The following ELOVL2 variants were observed in gnomAD, a reference collection of about 807,000 sequenced individuals.
The protein encoded by ELOVL2 is ELOVL fatty acid elongase 2.
In ELOVL2, 38 loss-of-function variants were observed where a neutral mutation model predicts 37.7. The ratio of observed to expected loss-of-function variants is 1.01; its 90% CI spans 0.78 to 1.32. The LOEUF is 1.32. Among genes scored for constraint, ELOVL2 ranks in the 40% most tolerant of loss-of-function variants. The pLI is 0.00. For synonymous variants in ELOVL2, 115 were observed against 122.3 expected (o/e 0.94, Z 0.40); for missense variants, 352 against 363.6 (o/e 0.97, Z 0.26).
intron 5 of ELOVL2, among the ~76,000 whole-genome samples, chr6:10,993,152 G>A (rs1782196632): frequency 6.6e-6 from 1 of 152,058 alleles, no homozygotes; most frequent in South Asian, 2.1e-4. Flanking sequence ...ACAGGCATTT[G>A]TTTGCTGTTC....
At chr6:10,999,400 G>C (rs1782333464) in intron 4 of ELOVL2, among the ~76,000 whole-genome samples, 1 of 149,184 alleles carries the variant, frequency 6.7e-6, no homozygotes, top group African/African-American at 2.5e-5. Flanking sequence ...TTTTTAGATG[G>C]AGTCTTGCTG....
intron 1 of ELOVL2, among the ~76,000 whole-genome samples, chr6:11,026,006 C>T (rs957653472): frequency 2.0e-5 from 3 of 152,050 alleles, no homozygotes; most frequent in Non-Finnish European, 1.5e-5. Context: ...CTCTGGGTAG[C>T]GAAGTGGGGT....
chr6:10,990,277 A>G (rs1243894385), intron 6 of ELOVL2, 41 bp downstream of exon 6: 1 of 1,600,338 alleles, frequency 6.2e-7, no homozygotes. Context: ...TTCCCCATCC[A>G]TAAGCCACAT....
chr6:11,021,333 C>T (rs535299694), intron 1 of ELOVL2, among the ~76,000 whole-genome samples: 1 of 152,298 alleles, frequency 6.6e-6, no homozygotes, highest in South Asian at 2.1e-4. Flanking sequence ...ACCTGGCACA[C>T]ATTTGAGCTC....
chr6:11,031,582 A>ACACAT (rs1193876898), intron 1 of ELOVL2, among the ~76,000 whole-genome samples: 1 of 152,188 alleles, frequency 6.6e-6, no homozygotes, highest in African/African-American at 2.4e-5. Flanking sequence ...AGGGTCATTT[A>ACACAT]CACATTCCTA....
chr6:10,994,885 A>G, intron 5 of ELOVL2, 122 bp downstream of exon 5: 3 of 745,506 alleles, frequency 4.0e-6, no homozygotes, highest in South Asian at 2.9e-5. Flanking sequence ...TGCTGCGGCA[A>G]GGCCGGCGCT....
intron 3 of ELOVL2, among the ~76,000 whole-genome samples, chr6:11,005,120 T>C (rs924498404): frequency 1.3e-5 from 2 of 152,008 alleles, no homozygotes; most frequent in Admixed American, 6.6e-5. Flanking sequence ...GATTGTGCCA[T>C]TGCCCTCCAG....
intron 7 of ELOVL2, 76 bp downstream of exon 7, chr6:10,989,627 G>A (rs573040691): frequency 8.8e-5 from 129 of 1,469,450 alleles, no homozygotes; most frequent in Middle Eastern, 5.8e-4. Context: ...CAATAAGAGC[G>A]AAACTCTGTC....
Position 11,007,167 on chromosome 6 carries a change from A to C in ELOVL2, c.68-1608T>G, listed in dbSNP as rs529234312. Among the ~76,000 whole-genome samples the C allele has an allele frequency of 1.2e-4, 18 of 152,356 alleles. 1 individual carries two copies. In the South Asian group the frequency reaches 3.7e-3, roughly 32 times the overall value. ...TGAGCTGTAGAGGCCTAGAAAAGTG[A>C]AATGACTTGCACTAAACTGCTACGC... is the stretch of plus-strand genomic sequence containing the variant. On this transcript the variant is annotated intron_variant, in intron 2 of 7. Coordinates refer to ENST00000354666, the MANE Select transcript of ELOVL2 (RefSeq NM_017770.4).
intron 1 of ELOVL2, among the ~76,000 whole-genome samples, chr6:11,039,250 T>C (rs1435958057): frequency 6.6e-6 from 1 of 152,198 alleles, no homozygotes; most frequent in African/African-American, 2.4e-5. Context: ...TAGTAAACAA[T>C]AAAGCTAGGG....
At chr6:10,990,620 CA>C (rs1782139933) in intron 5 of ELOVL2, among the ~76,000 whole-genome samples, 178 bp from the exon 6 acceptor site, 1 of 149,208 alleles carries the variant, frequency 6.7e-6, no homozygotes, top group African/African-American at 2.6e-5. Flanking sequence ...TAGGATTCAC[CA>C]AAAACTCCAT....
intron 1 of ELOVL2, among the ~76,000 whole-genome samples, chr6:11,011,943 A>G (rs1364052299): frequency 6.6e-6 from 1 of 152,196 alleles, no homozygotes; most frequent in Non-Finnish European, 1.5e-5. Context: ...TGAGCTGAGC[A>G]TGACAGCCTC....
At position 10,990,308 on chromosome 6, in the gene ELOVL2, GA is replaced by G; in HGVS notation, c.630+9del. ...CACATGGAGAAAAGCTAAAAGAAGG[GA>G]CAACATACCAGCTGAGCCTGTGTGA... On this transcript the variant is annotated intron_variant, in intron 6 of 7. Coordinates refer to ENST00000354666, the MANE Select transcript of ELOVL2 (RefSeq NM_017770.4). 1 of 1,607,532 alleles carries G rather than the reference GA, an allele frequency of 6.2e-7. No homozygotes were observed. The highest frequency in any genetic ancestry group is 8.5e-7 in the Non-Finnish European group (1 of 1,178,246).
rs141858011 is a variant in ELOVL2 at position 11,023,114 on chromosome 6, A to G, written c.4-12305T>C. Reference sequence around the variant, plus strand: ...TCAAGATATTTGTAATGATTATTACAACTACTTCTTCCACAGGAAGTGGTG... The same window carrying G: ...TCAAGATATTTGTAATGATTATTACGACTACTTCTTCCACAGGAAGTGGTG... On this transcript the variant is annotated intron_variant, in intron 1 of 7. Transcript: ENST00000354666. Among the ~76,000 whole-genome samples the G allele has an allele frequency of 3.5e-3, 540 of 152,378 alleles. 2 individuals are homozygous for G. Among genetic ancestry groups the G allele is most frequent in the African/African-American group, 0.013 (520 of 41,584 alleles).
chr6:10,999,877 C>T (rs949168765), intron 4 of ELOVL2, among the ~76,000 whole-genome samples: 7 of 152,186 alleles, frequency 4.6e-5, no homozygotes. Context: ...TTGGTAGAGG[C>T]ATCTGCTACG....
At position 11,027,970 on chromosome 6, in the gene ELOVL2, G is replaced by A. The variant is rs541587785; in HGVS notation, c.3+16258C>T. 4.6e-5 allele frequency among the ~76,000 whole-genome samples: 7 copies of A among 152,142 alleles called. No homozygotes were observed. In the South Asian group the frequency reaches 8.3e-4, roughly 18 times the overall value. ...CAGAAGTGAACATTTTCAGAATGTC[G>A]TAGAACTATTATCTTTCTTACTCTG... On this transcript the variant is annotated intron_variant, in intron 1 of 7. Transcript: ENST00000354666.
At chr6:11,043,856 C>G in intron 1 of ELOVL2, 1 of 193,268 alleles carries the variant, frequency 5.2e-6, no homozygotes, top group Non-Finnish European at 1.0e-5. Context: ...GGAGGGTGGG[C>G]TGCGCGCGGG....
chr6:10,980,850 C>T lies in ELOVL2; in HGVS notation c.*2931G>A, dbSNP rs1354851128. The T allele has an allele frequency of 6.6e-6, 1 of 152,580 alleles. No individual in the cohort carries two copies. The highest frequency in any genetic ancestry group is 1.5e-5 in the Non-Finnish European group (1 of 68,038). The allele number at this position is 152,580 out of a possible 1,614,324, so 9.5% of individuals were successfully genotyped here. On this transcript the variant is annotated 3_prime_UTR_variant, in exon 8 of 8. Transcript: ENST00000354666. ...GGCTTCTGCAGCCTCCCTGTCTACT[C>T]CATTCATGATACTATGTTCTTAAGA...
intron 1 of ELOVL2, among the ~76,000 whole-genome samples, chr6:11,027,320 G>C (rs539181690): frequency 2.6e-5 from 4 of 152,126 alleles, no homozygotes; most frequent in African/African-American, 4.8e-5. Context: ...TCAGAAACAA[G>C]TGACTTTTTT....
Sources: allele counts gnomAD v4.1 joint callset (sites outside exome capture counted in the v4.1 genomes callset), GRCh38; gene constraint gnomAD v4.1.1; transcripts MANE v1.5; gene names NCBI Gene and HGNC (gene_info 2026-07-23, HGNC 2026-07-21).